Variants in SLC24A4 observed in about 807,000 individuals in gnomAD.
SLC24A4 encodes the protein solute carrier family 24 member 4, also known as sodium/potassium/calcium exchanger 4.
In SLC24A4, 53 loss-of-function variants were observed where a neutral mutation model predicts 79.0. That is an observed-to-expected ratio of 0.67 (90% CI 0.54 to 0.84). The LOEUF is 0.84. SLC24A4 is among the 40% of genes least tolerant of loss of function. The probability of loss-of-function intolerance (pLI) is 0.00; values close to 1 mark genes in which losing one functional copy is unlikely to be tolerated. For missense variants in SLC24A4, 731 were observed against 822.0 expected (o/e 0.89, Z 1.35); for synonymous variants, 323 against 323.8 (o/e 1.00, Z 0.03).
At position 92,490,504 on chromosome 14, in the gene SLC24A4, A is replaced by G. The variant is rs1343874879; in HGVS notation, c.1538-1161A>G. On this transcript the variant is annotated intron_variant, in intron 14 of 16. Coordinates refer to ENST00000532405, the MANE Select transcript of SLC24A4 (RefSeq NM_153646.4). The surrounding 1 kb of genome is among the most constrained non-coding windows in gnomAD (Gnocchi z 4.3). ...CTCACCCTTCAGAAACTACCAGAGCATACAATCCGATATCCTGTGATTCCC... is the reference window on the plus strand; with the variant it reads ...CTCACCCTTCAGAAACTACCAGAGCGTACAATCCGATATCCTGTGATTCCC... Among the ~76,000 whole-genome samples the G allele has an allele frequency of 3.3e-5, 5 of 152,340 alleles. No homozygotes were observed. The East Asian group carries it at 9.6e-4, about 29-fold the overall frequency.
At chr14:92,428,629 C>T (rs1009621685) in intron 2 of SLC24A4, among the ~76,000 whole-genome samples, 4 of 152,146 alleles carry the variant, frequency 2.6e-5, no homozygotes, top group East Asian at 1.9e-4. Flanking sequence ...AGTTGTCTGC[C>T]GGACATGTTA....
At chr14:92,436,645 T>C (rs575923819) in intron 3 of SLC24A4, among the ~76,000 whole-genome samples, 61 of 152,334 alleles carry the variant, frequency 4.0e-4, no homozygotes, top group African/African-American at 1.4e-3. Context: ...TGACCTCTTC[T>C]TTAGAGCACA....
chr14:92,419,628 G>A (rs1161337408), intron 2 of SLC24A4, among the ~76,000 whole-genome samples: 2 of 152,186 alleles, frequency 1.3e-5, no homozygotes, highest in African/African-American at 4.8e-5. Flanking sequence ...TTGATAGAAG[G>A]GGTTACTATT....
chr14:92,381,438 G>A lies in SLC24A4; in HGVS notation c.242-52474G>A, dbSNP rs117590486. ...ATACCCTGGGGCCTGTCAGGACGGT[G>A]GGGAAAGGGGAGGGAGAGCATTAGG... On this transcript the variant is annotated intron_variant, in intron 2 of 16. Transcript: ENST00000532405. 2.7e-3 allele frequency among the ~76,000 whole-genome samples: 407 copies of A among 152,228 alleles called. 6 individuals carry two copies. The East Asian group carries it at 0.045, about 17-fold the overall frequency.
intron 1 of SLC24A4, 89 bp from the exon 2 acceptor site, chr14:92,325,779 G>T: frequency 1.4e-6 from 1 of 735,634 alleles, no homozygotes; most frequent in Non-Finnish European, 2.3e-6. Context: ...CAGGGCTGTT[G>T]CTGACATAGA....
intron 2 of SLC24A4, among the ~76,000 whole-genome samples, chr14:92,385,611 A>G (rs1241114150): frequency 6.6e-6 from 1 of 152,168 alleles, no homozygotes; most frequent in Non-Finnish European, 1.5e-5. Flanking sequence ...AGGGGCTGTC[A>G]GGTAGTTCCT....
At position 92,441,959 on chromosome 14, in the gene SLC24A4, G is replaced by A; in HGVS notation, c.394-130G>A. On this transcript the variant is annotated intron_variant, in intron 4 of 16. Coordinates refer to ENST00000532405, the MANE Select transcript of SLC24A4 (RefSeq NM_153646.4). The surrounding 1 kb of genome is among the most constrained non-coding windows in gnomAD (Gnocchi z 4.6). ...ACACAGCATGTGCCCAGGGGTGAGA[G>A]GCTGCAGGCAGACGAGTTTGCCTCT... The A allele has an allele frequency of 1.5e-6, 1 of 652,928 alleles. No individual in the cohort carries two copies. The highest frequency in any genetic ancestry group is 2.7e-6 in the Non-Finnish European group (1 of 369,138). 40.4% of individuals were successfully genotyped at this position (652,928 alleles called of 1,614,324 possible).
rs1476115900 is a variant in SLC24A4 at position 92,340,297 on chromosome 14, TA to T, written c.241+14322del. ...TGAGCCCACAGGTTAGAGAATGAGGTAAACTCGTAATCACTGCATGTGACCT... is the reference window on the plus strand; with the variant it reads ...TGAGCCCACAGGTTAGAGAATGAGGTAACTCGTAATCACTGCATGTGACCT... On this transcript the variant is annotated intron_variant, in intron 2 of 16. Coordinates refer to ENST00000532405, the MANE Select transcript of SLC24A4 (RefSeq NM_153646.4). Among the ~76,000 whole-genome samples the T allele has an allele frequency of 2.8e-4, 43 of 152,270 alleles. 3 individuals are homozygous for T. Among genetic ancestry groups the T allele is most frequent in the Non-Finnish European group, 5.9e-5 (4 of 68,016 alleles).
In SLC24A4 at chr14:92,323,799, C is replaced by G. The variant is rs1206057685; in HGVS notation, c.-32C>G. 1.9e-6 allele frequency: 3 copies of G among 1,541,356 alleles called. No homozygotes were observed. The African/African-American group carries it at 4.1e-5, about 21-fold the overall frequency. On this transcript the variant is annotated 5_prime_UTR_variant, in exon 1 of 17. Coordinates refer to ENST00000532405, the MANE Select transcript of SLC24A4 (RefSeq NM_153646.4). The surrounding 1 kb of genome is among the most constrained non-coding windows in gnomAD (Gnocchi z 4.9). ...ACTCTGGCCGCTGAAGCTCCCCATC[C>G]TCTCCCAGAGACGGCACCCAGGCGC...
intron 3 of SLC24A4, among the ~76,000 whole-genome samples, chr14:92,435,131 C>G (rs1892097034): frequency 6.6e-6 from 1 of 152,162 alleles, no homozygotes; most frequent in Admixed American, 6.5e-5. Context: ...CATTGTAAGT[C>G]TAGGAGCATC....
chr14:92,393,570 G>C (rs1410246034), intron 2 of SLC24A4, among the ~76,000 whole-genome samples: 1 of 111,312 alleles, frequency 9.0e-6, no homozygotes, highest in Non-Finnish European at 1.9e-5. Flanking sequence ...TTTTTTTACG[G>C]AGTCTCGCTC....
At chr14:92,373,192 A>ACACG (rs1327735264) in intron 2 of SLC24A4, among the ~76,000 whole-genome samples, 2 of 53,492 alleles carry the variant, frequency 3.7e-5, no homozygotes, top group Non-Finnish European at 1.0e-4. Flanking sequence ...ACACACACAC[A>ACACG]CGCACACACA....
At chr14:92,332,748 A>G (rs910775440) in intron 2 of SLC24A4, among the ~76,000 whole-genome samples, 1 of 152,234 alleles carries the variant, frequency 6.6e-6, no homozygotes, top group African/African-American at 2.4e-5. Context: ...CTCAGACACT[A>G]GCTTCTCTCT....
rs188043336 is a variant in SLC24A4, at chr14:92,470,507, T to C, written c.1256-12173T>C. Among the ~76,000 whole-genome samples the C allele has an allele frequency of 2.9e-4, 44 of 152,356 alleles. No individual in the cohort carries two copies. The East Asian group carries it at 7.3e-3, about 25-fold the overall frequency. ...TCTCCAGTCTGATTAGCCATCTGTT[T>C]TGTTACAGTTCATTTTCAAGACTTT... On this transcript the variant is annotated intron_variant, in intron 12 of 16. Transcript: ENST00000532405.
rs1349528391 is a variant in SLC24A4, at chr14:92,480,341, C to T, written c.1256-2339C>T. On this transcript the variant is annotated intron_variant, in intron 12 of 16. Coordinates refer to ENST00000532405, the MANE Select transcript of SLC24A4 (RefSeq NM_153646.4). ...TTGCTCTGTCGCCCAGGCCGAACTG[C>T]GGACTGCAGTGGCACAATCTCAGCT... Among the ~76,000 whole-genome samples, 6 of 117,398 alleles carry T rather than the reference C, an allele frequency of 5.1e-5. 1 individual carries two copies. Among genetic ancestry groups the T allele is most frequent in the African/African-American group, 1.5e-4 (5 of 33,308 alleles). The allele number at this position is 117,398 out of a possible 152,430, so 77.0% of individuals were successfully genotyped here. A position where few individuals can be genotyped will look rare whatever the true frequency, so the allele number is the denominator to read the frequency against.
At chr14:92,442,909 GC>G in intron 6 of SLC24A4, 93 bp downstream of exon 6, 1 of 1,044,064 alleles carries the variant, frequency 9.6e-7, no homozygotes, top group Non-Finnish European at 1.5e-6. Context: ...CAGTGGGGAC[GC>G]CCACAGGACA....
At position 92,482,767 on chromosome 14, in the gene SLC24A4, G is replaced by T; in HGVS notation, c.1343G>T (p.Arg448Leu). The change falls in exon 13 of 17, where the codon CGC (arginine) becomes CTC (leucine). Residue 448 changes from arginine to leucine, a missense_variant. Coordinates refer to ENST00000532405, the MANE Select transcript of SLC24A4 (RefSeq NM_153646.4). Reference protein sequence around the residue: ...CVTIPNCSKPRWEKFFMVTFI... With the variant: ...CVTIPNCSKPLWEKFFMVTFI... Reference sequence around the variant, plus strand: ...ACCATTCCCAACTGCAGCAAGCCCCGCTGGGAGAAGTTCTTCATGGTCACC... The same window carrying T: ...ACCATTCCCAACTGCAGCAAGCCCCTCTGGGAGAAGTTCTTCATGGTCACC... 3.1e-6 allele frequency: 5 copies of T among 1,614,032 alleles called. No homozygotes were observed. Among genetic ancestry groups the T allele is most frequent in the East Asian group, 4.5e-5 (2 of 44,870 alleles).
chr14:92,329,568 A>G (rs4904871), intron 2 of SLC24A4, among the ~76,000 whole-genome samples: 93,497 of 152,040 alleles, frequency 0.61, 29,354 homozygotes, highest in African/African-American at 0.73. Context: ...TGTCACCCAG[A>G]CTGGAATGCA....
rs1034116179 is a variant in SLC24A4 at position 92,348,033 on chromosome 14, G to T, written c.241+22055G>T. ...AAGGTTGTTCTCATCATATTCAAAAGAACAGTTGAGATGTTAGAGCTTCTT... is the reference window on the plus strand; with the variant it reads ...AAGGTTGTTCTCATCATATTCAAAATAACAGTTGAGATGTTAGAGCTTCTT... On this transcript the variant is annotated intron_variant, in intron 2 of 16. Transcript: ENST00000532405. Among the ~76,000 whole-genome samples the T allele has an allele frequency of 8.5e-5, 13 of 152,216 alleles. No homozygotes were observed. The East Asian group carries it at 2.3e-3, about 27-fold the overall frequency.
Sources: allele counts gnomAD v4.1 joint callset (sites outside exome capture counted in the v4.1 genomes callset), GRCh38; gene constraint gnomAD v4.1.1; non-coding constraint Gnocchi (gnomAD v3.1); transcripts MANE v1.5; gene names NCBI Gene and HGNC (gene_info 2026-07-23, HGNC 2026-07-21).